The following MAPK10 variants were observed in gnomAD, a reference collection of about 807,000 sequenced individuals.
MAPK10 encodes the protein mitogen-activated protein kinase 10.
Under a neutral mutation model 59.3 loss-of-function variants are expected in MAPK10, and 25 were observed. The observed-to-expected ratio is 0.42, with a 90% CI of 0.31 to 0.59. MAPK10 has a LOEUF of 0.59. Among genes scored for constraint, MAPK10 ranks in the 20% least tolerant of loss-of-function variants. The probability of loss-of-function intolerance (pLI) is 0.15; values close to 1 mark genes in which losing one functional copy is unlikely to be tolerated. For synonymous variants in MAPK10, 190 were observed against 200.5 expected (o/e 0.95, Z 0.44); for missense variants, 351 against 568.9 (o/e 0.62, Z 3.90).
At chr4:86,337,728 C>G (rs1176577135) in intron 2 of MAPK10, among the ~76,000 whole-genome samples, 1 of 152,148 alleles carries the variant, frequency 6.6e-6, no homozygotes, top group African/African-American at 2.4e-5. Context: ...CTTGCTAATT[C>G]CCTGGAGAAC....
rs190743890 is a variant in MAPK10, at chr4:86,568,432, T to A, written c.-263+25478A>T. Among the ~76,000 whole-genome samples the A allele has an allele frequency of 4.0e-3, 602 of 151,976 alleles. 1 individual carries two copies. The highest frequency in any genetic ancestry group is 0.014 in the African/African-American group (573 of 41,484). On this transcript the variant is annotated intron_variant, in intron 1 of 4. Transcript: ENST00000502302. The stretch of plus-strand genomic sequence containing the variant: ...TCATTCTTCACAGAATTAGAAAAAA[T>A]AATCCTAAAATTCATATGGAACCAA...
At chr4:86,323,470 T>A (rs937361884) in intron 2 of MAPK10, among the ~76,000 whole-genome samples, 3 of 152,178 alleles carry the variant, frequency 2.0e-5, no homozygotes, top group Admixed American at 1.3e-4. Context: ...CAAATCATGT[T>A]GAGCATCTTG....
chr4:86,403,607 G>A (rs1440174642), intron 1 of MAPK10, among the ~76,000 whole-genome samples: 1 of 152,162 alleles, frequency 6.6e-6, no homozygotes, highest in Non-Finnish European at 1.5e-5. Flanking sequence ...GTTCCACATG[G>A]CTGAAGAAGC....
chr4:86,446,010 A>G (rs1044657830), intron 1 of MAPK10, among the ~76,000 whole-genome samples: 1 of 152,230 alleles, frequency 6.6e-6, no homozygotes, highest in Non-Finnish European at 1.5e-5. Context: ...GATCTCACAG[A>G]TAACAGTTTG....
At chr4:86,499,987 G>A (rs1193799983) in intron 1 of MAPK10, among the ~76,000 whole-genome samples, 2 of 152,184 alleles carry the variant, frequency 1.3e-5, no homozygotes, top group African/African-American at 4.8e-5. Context: ...CTGAGTCACT[G>A]ATACCACTTT....
At chr4:86,469,437 T>C (rs1334035811) in intron 1 of MAPK10, among the ~76,000 whole-genome samples, 1 of 152,148 alleles carries the variant, frequency 6.6e-6, no homozygotes, top group Non-Finnish European at 1.5e-5. Flanking sequence ...AACAAGAGTA[T>C]TGGGCAGGTT....
chr4:86,466,246 T>C (rs1003845624), intron 1 of MAPK10, among the ~76,000 whole-genome samples: 3 of 152,176 alleles, frequency 2.0e-5, no homozygotes, highest in Middle Eastern at 3.2e-3. Context: ...CAGGCAGAGG[T>C]GCTGTGCAAC....
chr4:86,095,205 C>T (rs949167867), intron 9 of MAPK10: 5 of 151,490 alleles, frequency 3.3e-5, no homozygotes, highest in Non-Finnish European at 5.9e-5. Context: ...CCTGTGATAT[C>T]ATCTAGATCA....
intron 13 of MAPK10, chr4:86,028,160 C>T (rs1222449842): frequency 2.0e-5 from 3 of 152,268 alleles, no homozygotes; most frequent in East Asian, 3.9e-4. Flanking sequence ...ACAGGCCAAA[C>T]GTGGATTAGT....
chr4:86,493,525 T>C (rs970830853), intron 1 of MAPK10, among the ~76,000 whole-genome samples: 4 of 152,236 alleles, frequency 2.6e-5, no homozygotes, highest in African/African-American at 9.6e-5. Flanking sequence ...TTCTAGAATC[T>C]ACTCCACTTT....
chr4:86,487,856 A>T (rs1754129545), intron 1 of MAPK10, among the ~76,000 whole-genome samples: 1 of 152,198 alleles, frequency 6.6e-6, no homozygotes, highest in Admixed American at 6.5e-5. Flanking sequence ...AAGAACAAAT[A>T]AAAAAGATAA....
intron 2 of MAPK10, among the ~76,000 whole-genome samples, chr4:86,292,901 C>T (rs996171605): frequency 4.6e-5 from 7 of 152,072 alleles, no homozygotes; most frequent in South Asian, 4.2e-4. Context: ...TTATTGTTTC[C>T]GTGTCCAGGC....
rs1225318861 is a variant in MAPK10 at position 86,160,434 on chromosome 4, TG to T, written c.67-968del. On this transcript the variant is annotated intron_variant, in intron 3 of 13. Transcript: ENST00000641462. ...AGGTTTTAAGCACCCACATTTTCTGTGGGTTCCTCCCCAATCCCAGTGACTG... is the reference window on the plus strand; with the variant it reads ...AGGTTTTAAGCACCCACATTTTCTGTGGTTCCTCCCCAATCCCAGTGACTG... 2.6e-5 allele frequency: 4 copies of T among 152,096 alleles called. No individual in the cohort carries two copies. In the East Asian group the frequency reaches 7.7e-4, roughly 29 times the overall value. The allele number at this position is 152,096 out of a possible 1,614,324, so 9.4% of individuals were successfully genotyped here. A position where few individuals can be genotyped will look rare whatever the true frequency, so the allele number is the denominator to read the frequency against.
At chr4:86,338,313 C>A (rs1564516428) in intron 2 of MAPK10, among the ~76,000 whole-genome samples, 1 of 152,202 alleles carries the variant, frequency 6.6e-6, no homozygotes, top group Non-Finnish European at 1.5e-5. Context: ...ATTCCTGAAA[C>A]CCTCATATGA....
intron 1 of MAPK10, among the ~76,000 whole-genome samples, chr4:86,585,088 T>C (rs1762569931): frequency 6.6e-6 from 1 of 152,188 alleles, no homozygotes; most frequent in South Asian, 2.1e-4. Context: ...AGAATGCTTA[T>C]TGAAAGCCGA....
At chr4:86,074,358 C>G (rs1308976208) in intron 9 of MAPK10, among the ~76,000 whole-genome samples, 1 of 150,376 alleles carries the variant, frequency 6.6e-6, no homozygotes, top group African/African-American at 2.5e-5. Context: ...ATTTGCCAGT[C>G]TGTGTCTTTT....
chr4:86,296,658 C>T (rs1328851247), intron 2 of MAPK10, among the ~76,000 whole-genome samples: 2 of 152,102 alleles, frequency 1.3e-5, no homozygotes, highest in Non-Finnish European at 2.9e-5. Flanking sequence ...TGATAAAACT[C>T]ATGCCACAGA....
At chr4:86,402,979 G>A (rs1026423650) in intron 1 of MAPK10, among the ~76,000 whole-genome samples, 5 of 152,010 alleles carry the variant, frequency 3.3e-5, no homozygotes, top group Non-Finnish European at 7.4e-5. Context: ...ACATTGTCAT[G>A]GCTGACACCT....
intron 9 of MAPK10, among the ~76,000 whole-genome samples, chr4:86,094,310 G>T (rs1050745436): frequency 2.6e-5 from 4 of 151,852 alleles, no homozygotes; most frequent in Admixed American, 6.6e-5. Context: ...CCTTGGCAAG[G>T]TTATATGTAT....
Sources: allele counts gnomAD v4.1 joint callset (sites outside exome capture counted in the v4.1 genomes callset), GRCh38; gene constraint gnomAD v4.1.1; transcripts MANE v1.5; gene names NCBI Gene and HGNC (gene_info 2026-07-23, HGNC 2026-07-21).